Variants in ARHGAP26 observed in about 807,000 individuals in gnomAD.
The protein encoded by ARHGAP26 is Rho GTPase activating protein 26.
Under a neutral mutation model 104.8 loss-of-function variants are expected in ARHGAP26, and 38 were observed. The observed-to-expected ratio is 0.36, with a 90% CI of 0.28 to 0.48. ARHGAP26 has a LOEUF of 0.48. Ranked by LOEUF, ARHGAP26 falls within the 20% of genes least tolerant of loss-of-function variation. The pLI is 0.99. For synonymous variants in ARHGAP26, 341 were observed against 340.0 expected, an observed-to-expected ratio of 1.00 and a Z score of -0.03; for missense variants, 704 against 947.9, an observed-to-expected ratio of 0.74 and a Z score of 3.38.
chr5:142,980,942 C>T (rs1052545309), intron 11 of ARHGAP26, among the ~76,000 whole-genome samples: 1 of 152,082 alleles, frequency 6.6e-6, no homozygotes, highest in Non-Finnish European at 1.5e-5. Context: ...ATGTGTGTAT[C>T]GTAGTAGTAG....
rs1048701092 is a variant in ARHGAP26 at position 143,014,273 on chromosome 5, G to T, written c.1144+157G>T. The T allele has an allele frequency of 6.7e-6, 5 of 744,026 alleles. No individual in the cohort carries two copies. The East Asian group carries it at 1.3e-4, about 20-fold the overall frequency. 46.1% of individuals were successfully genotyped at this position (744,026 alleles called of 1,614,324 possible). On this transcript the variant is annotated intron_variant, in intron 12 of 22. Transcript: ENST00000645722. ...GGACATGCCTCCACCCCAACTTTCC[G>T]CCAGTGACTCCAGAGGGACGGTAAG...
intron 11 of ARHGAP26, among the ~76,000 whole-genome samples, chr5:142,934,043 T>C (rs1765087522): frequency 6.6e-6 from 1 of 152,102 alleles, no homozygotes; most frequent in African/African-American, 2.4e-5. Context: ...CTATTCTTGG[T>C]ATGGGCAAAA....
intron 9 of ARHGAP26, among the ~76,000 whole-genome samples, chr5:142,910,810 A>G (rs1364422582): frequency 6.6e-6 from 1 of 152,212 alleles, no homozygotes; most frequent in Non-Finnish European, 1.5e-5. Flanking sequence ...ACTCCTGGTC[A>G]CCTTGGCCTC....
chr5:142,928,642 C>G (rs1481005182), intron 10 of ARHGAP26, among the ~76,000 whole-genome samples: 1 of 152,112 alleles, frequency 6.6e-6, no homozygotes, highest in Non-Finnish European at 1.5e-5. Flanking sequence ...CTTGCCAGCT[C>G]TGTGATTGTG....
chr5:142,857,330 C>T (rs572664129), intron 1 of ARHGAP26, among the ~76,000 whole-genome samples: 20 of 152,256 alleles, frequency 1.3e-4, no homozygotes, highest in South Asian at 6.2e-4. Context: ...TAGGAGGCTT[C>T]CTCCAAGTCT....
At chr5:142,850,176 T>G (rs1751239655) in intron 1 of ARHGAP26, among the ~76,000 whole-genome samples, 1 of 152,222 alleles carries the variant, frequency 6.6e-6, no homozygotes, top group African/African-American at 2.4e-5. Context: ...CTTTTGGCCC[T>G]ACTATTTCCC....
chr5:143,005,406 G>T (rs908489688), intron 11 of ARHGAP26, among the ~76,000 whole-genome samples: 1 of 152,216 alleles, frequency 6.6e-6, no homozygotes, highest in Admixed American at 6.5e-5. Flanking sequence ...AGTGTCATCG[G>T]CTGAGTTTGG....
chr5:143,160,590 T>A (rs1046830046), intron 20 of ARHGAP26, among the ~76,000 whole-genome samples: 1 of 152,084 alleles, frequency 6.6e-6, no homozygotes, highest in African/African-American at 2.4e-5. Flanking sequence ...GCTCAAGCGA[T>A]CCTTCCACCT....
intron 16 of ARHGAP26, among the ~76,000 whole-genome samples, chr5:143,056,975 T>C (rs1270982121): frequency 6.6e-6 from 1 of 152,210 alleles, no homozygotes; most frequent in East Asian, 1.9e-4. Context: ...CATTCTCTAC[T>C]TAAACCTCAC....
chr5:142,806,665 A>G (rs1021239337), intron 1 of ARHGAP26, among the ~76,000 whole-genome samples: 7 of 152,208 alleles, frequency 4.6e-5, no homozygotes, highest in African/African-American at 1.7e-4. Context: ...CCTGGACGAC[A>G]TCACAGTGAA....
chr5:143,220,527 G>A (rs188034805), intron 22 of ARHGAP26, among the ~76,000 whole-genome samples: 1 of 152,318 alleles, frequency 6.6e-6, no homozygotes, highest in African/African-American at 2.4e-5. Context: ...TGGAAGCTTT[G>A]GTTGGATGGA....
chr5:143,150,291 C>T (rs745876748), intron 20 of ARHGAP26, among the ~76,000 whole-genome samples: 9 of 152,152 alleles, frequency 5.9e-5, no homozygotes, highest in South Asian at 2.1e-4. Context: ...TGGGGTAAAC[C>T]GGAATAAGAG....
At chr5:143,096,754 A>G (rs1792379178) in intron 17 of ARHGAP26, among the ~76,000 whole-genome samples, 1 of 151,662 alleles carries the variant, frequency 6.6e-6, no homozygotes, top group Non-Finnish European at 1.5e-5. Context: ...ACTTGGTACC[A>G]CTGTCTAGAT....
At chr5:142,972,455 C>G (rs1056973061) in intron 11 of ARHGAP26, among the ~76,000 whole-genome samples, 1 of 151,716 alleles carries the variant, frequency 6.6e-6, no homozygotes, top group African/African-American at 2.4e-5. Flanking sequence ...CTTTGAGGGG[C>G]CTTTTTTTGT....
intron 1 of ARHGAP26, among the ~76,000 whole-genome samples, chr5:142,779,169 C>T (rs1756975548): frequency 6.6e-6 from 1 of 151,906 alleles, no homozygotes; most frequent in Non-Finnish European, 1.5e-5. Context: ...AGGGTGAGAA[C>T]AACAGCATTA....
intron 6 of ARHGAP26, among the ~76,000 whole-genome samples, chr5:142,895,050 G>A (rs1759266257): frequency 6.6e-6 from 1 of 152,168 alleles, no homozygotes; most frequent in Non-Finnish European, 1.5e-5. Context: ...TGGCACTGGT[G>A]TGGAGAATCC....
At chr5:142,910,289 G>T (rs958573920) in intron 9 of ARHGAP26, among the ~76,000 whole-genome samples, 18 of 152,108 alleles carry the variant, frequency 1.2e-4, no homozygotes, top group Non-Finnish European at 2.6e-4. Context: ...TCTTTCCACA[G>T]TCTGAATCTC....
At chr5:142,868,775 C>G (rs1427698991) in intron 1 of ARHGAP26, 2 of 152,262 alleles carry the variant, frequency 1.3e-5, no homozygotes, top group Non-Finnish European at 2.9e-5. Flanking sequence ...TGAGTTTGAC[C>G]TAGGAATGGG....
chr5:142,774,688 A>T (rs888519850), intron 1 of ARHGAP26, among the ~76,000 whole-genome samples: 2 of 152,146 alleles, frequency 1.3e-5, no homozygotes, highest in Non-Finnish European at 2.9e-5. Flanking sequence ...TCATAGTAAC[A>T]TACAGAATAC....
Sources: allele counts gnomAD v4.1 joint callset (sites outside exome capture counted in the v4.1 genomes callset), GRCh38; gene constraint gnomAD v4.1.1; transcripts MANE v1.5; gene names NCBI Gene and HGNC (gene_info 2026-07-23, HGNC 2026-07-21).